The following MRPL1 variants were observed in gnomAD, a reference collection of about 807,000 sequenced individuals.
MRPL1 encodes mitochondrial ribosomal protein L1, also known as large ribosomal subunit protein uL1m.
A neutral mutation model predicts 38.0 loss-of-function variants in MRPL1; 28 were observed. That is an observed-to-expected ratio of 0.74 (90% CI 0.55 to 1.01). The LOEUF is 1.01. Ranked by LOEUF, MRPL1 falls within the 50% of genes least tolerant of loss-of-function variation. MRPL1 has a pLI of 0.00. For missense variants in MRPL1, 358 were observed against 389.8 expected, an observed-to-expected ratio of 0.92 and a Z score of 0.69; for synonymous variants, 123 against 126.7, an observed-to-expected ratio of 0.97 and a Z score of 0.20.
At chr4:77,871,672 A>G in intron 1 of MRPL1, 72 bp from the exon 2 acceptor site, 1 of 697,030 alleles carries the variant, frequency 1.4e-6, no homozygotes. Flanking sequence ...GAAAGTACTG[A>G]CTTTTAAAAT....
intron 7 of MRPL1, among the ~76,000 whole-genome samples, chr4:77,921,104 A>G (rs1008431568): frequency 2.0e-5 from 3 of 152,204 alleles, no homozygotes; most frequent in Non-Finnish European, 4.4e-5. Context: ...CACCAAATCT[A>G]GTAAAAGTTA....
intron 4 of MRPL1, among the ~76,000 whole-genome samples, chr4:77,885,966 C>G (rs964182300): frequency 3.9e-5 from 6 of 152,180 alleles, no homozygotes; most frequent in African/African-American, 1.2e-4. Context: ...ACTTCTCTCC[C>G]CAGACAACAA....
intron 7 of MRPL1, among the ~76,000 whole-genome samples, chr4:77,926,110 C>G (rs1439552278): frequency 6.6e-6 from 1 of 152,174 alleles, no homozygotes. Flanking sequence ...ACCTCTGGAA[C>G]TGCATGTTAG....
intron 1 of MRPL1, chr4:77,864,600 A>G (rs1268609937): frequency 6.6e-6 from 1 of 152,218 alleles, no homozygotes; most frequent in Admixed American, 6.5e-5. Flanking sequence ...GTGCTCTGAA[A>G]TATACGTTTT....
chr4:77,949,961 C>T lies in MRPL1; in HGVS notation c.859+83C>T, dbSNP rs770961671. On this transcript the variant is annotated intron_variant, in intron 8 of 8. Transcript: ENST00000315567. The stretch of plus-strand genomic sequence containing the variant: ...AATATGAAGAAAAAAGTCAAATTAA[C>T]ATGCAAGTATAATAGCAAAATGTAA... 6 of 722,900 alleles carry T rather than the reference C, an allele frequency of 8.3e-6. 1 individual carries two copies. In the South Asian group the frequency reaches 1.4e-4, roughly 16 times the overall value. The allele number at this position is 722,900 out of a possible 1,614,324, so 44.8% of individuals were successfully genotyped here. A position where few individuals can be genotyped will look rare whatever the true frequency, so the allele number is the denominator to read the frequency against.
intron 7 of MRPL1, among the ~76,000 whole-genome samples, chr4:77,948,707 C>T (rs1028447506): frequency 6.6e-6 from 1 of 151,856 alleles, no homozygotes; most frequent in Non-Finnish European, 1.5e-5. Context: ...TGAACTTCAA[C>T]TGTTGTACTG....
intron 1 of MRPL1, among the ~76,000 whole-genome samples, chr4:77,866,899 C>CA: frequency 6.6e-6 from 1 of 152,014 alleles, no homozygotes; most frequent in Non-Finnish European, 1.5e-5. Context: ...AGGCGCCTGT[C>CA]ACAACGGCCA....
intron 7 of MRPL1, among the ~76,000 whole-genome samples, chr4:77,942,011 G>T (rs1252232608): frequency 6.6e-6 from 1 of 152,040 alleles, no homozygotes; most frequent in Non-Finnish European, 1.5e-5. Flanking sequence ...TGGCATTGAA[G>T]GCTATGAACT....
intron 7 of MRPL1, among the ~76,000 whole-genome samples, chr4:77,926,706 T>A (rs1736721522): frequency 6.6e-6 from 1 of 151,980 alleles, no homozygotes; most frequent in Non-Finnish European, 1.5e-5. Context: ...CCTCCTGGGT[T>A]CAGGTGATTC....
chr4:77,877,120 G>A (rs2110231949), intron 2 of MRPL1, among the ~76,000 whole-genome samples: 1 of 152,266 alleles, frequency 6.6e-6, no homozygotes, highest in African/African-American at 2.4e-5. Context: ...GTCTGGTCTC[G>A]AACTCCTGAC....
At chr4:77,888,842 C>T (rs1735743170) in intron 5 of MRPL1, among the ~76,000 whole-genome samples, 1 of 152,074 alleles carries the variant, frequency 6.6e-6, no homozygotes, top group Admixed American at 6.6e-5. Context: ...AGGTATATCT[C>T]CTAATGCTAT....
At chr4:77,949,034 G>C (rs1737344396) in intron 7 of MRPL1, among the ~76,000 whole-genome samples, 1 of 152,152 alleles carries the variant, frequency 6.6e-6, no homozygotes, top group Non-Finnish European at 1.5e-5. Context: ...GCCTCCCAAA[G>C]TGCTGGGATT....
intron 6 of MRPL1, among the ~76,000 whole-genome samples, chr4:77,903,408 A>G (rs1346406223): frequency 6.6e-6 from 1 of 152,222 alleles, no homozygotes; most frequent in African/African-American, 2.4e-5. Flanking sequence ...AATGCTTTCT[A>G]CCTAAGATCA....
chr4:77,887,434 C>A (rs1735706553), intron 5 of MRPL1, 143 bp downstream of exon 5: 2 of 692,128 alleles, frequency 2.9e-6, no homozygotes. Flanking sequence ...AAAAAAATTT[C>A]CAACTTTCTT....
chr4:77,946,375 CG>C (rs1461209992), intron 7 of MRPL1, among the ~76,000 whole-genome samples: 2 of 151,402 alleles, frequency 1.3e-5, no homozygotes, highest in African/African-American at 4.9e-5. Flanking sequence ...TTTAAGCACA[CG>C]TTTTACAATC....
intron 7 of MRPL1, among the ~76,000 whole-genome samples, chr4:77,923,003 T>C (rs1460180796): frequency 1.3e-5 from 2 of 152,200 alleles, no homozygotes; most frequent in African/African-American, 4.8e-5. Context: ...AAGTATGATG[T>C]TTGCTGTTTG....
intron 6 of MRPL1, among the ~76,000 whole-genome samples, chr4:77,899,129 G>C (rs1735980967): frequency 6.6e-6 from 1 of 151,052 alleles, no homozygotes; most frequent in South Asian, 2.1e-4. Flanking sequence ...GAATAGCTGG[G>C]ACTACAGGCA....
intron 2 of MRPL1, among the ~76,000 whole-genome samples, chr4:77,881,323 T>G (rs1428628989): frequency 6.6e-6 from 1 of 152,152 alleles, no homozygotes; most frequent in Non-Finnish European, 1.5e-5. Flanking sequence ...AGAAACCTGT[T>G]TTGCCCTCTT....
At chr4:77,907,357 A>G (rs1249958899) in intron 6 of MRPL1, 1 of 204,406 alleles carries the variant, frequency 4.9e-6, no homozygotes, top group East Asian at 1.9e-4. Context: ...TCCTGATTCC[A>G]TTTTTCTCCT....
Sources: gnomAD v4.1 joint callset for allele counts (sites outside exome capture counted in the v4.1 genomes callset) on GRCh38, gnomAD v4.1.1 for gene constraint, MANE v1.5 for transcripts, NCBI Gene and HGNC (gene_info 2026-07-23, HGNC 2026-07-21) for gene names.